Variants in HDAC9 observed in about 807,000 individuals in gnomAD.
HDAC9 encodes the protein MEF-2 interacting transcription repressor (MITR) protein.
In HDAC9, 41 loss-of-function variants were observed where a neutral mutation model predicts 139.4. That is an observed-to-expected ratio of 0.29 (90% CI 0.23 to 0.38). HDAC9 has a LOEUF of 0.38. Ranked by LOEUF, HDAC9 falls within the 10% of genes least tolerant of loss-of-function variation. The pLI, the probability that HDAC9 is intolerant of heterozygous loss-of-function variation, is 1.00. For missense variants in HDAC9, 1,147 were observed against 1,297.0 expected, an observed-to-expected ratio of 0.88 and a Z score of 1.78; for synonymous variants, 517 against 476.2, an observed-to-expected ratio of 1.09 and a Z score of -1.12.
chr7:18,573,507 C>T (rs1482419854), intron 2 of HDAC9, among the ~76,000 whole-genome samples: 1 of 152,230 alleles, frequency 6.6e-6, no homozygotes, highest in East Asian at 1.9e-4. Flanking sequence ...GTGCCCGTTT[C>T]TTTCCACCCA....
intron 1 of HDAC9, among the ~76,000 whole-genome samples, chr7:18,310,116 C>G (rs1403296946): frequency 7.5e-6 from 1 of 133,028 alleles, no homozygotes; most frequent in African/African-American, 2.9e-5. Flanking sequence ...TAGAGACTTT[C>G]AAGCTATCCC....
chr7:18,227,007 AAGG>A (rs1231660658), intron 2 of HDAC9, among the ~76,000 whole-genome samples: 25 of 152,230 alleles, frequency 1.6e-4, no homozygotes, highest in Non-Finnish European at 2.9e-5. Context: ...TATGCAAGGA[AAGG>A]AGGTTTGTGG....
intron 2 of HDAC9, among the ~76,000 whole-genome samples, chr7:18,183,230 T>G (rs10263045): frequency 1.3e-5 from 2 of 151,794 alleles, no homozygotes; most frequent in African/African-American, 4.8e-5. Flanking sequence ...AGGATGGTCT[T>G]GATCTTCTGA....
intron 21 of HDAC9, chr7:18,851,529 C>G (rs141180593): frequency 6.6e-6 from 1 of 152,360 alleles, no homozygotes; most frequent in Non-Finnish European, 1.5e-5. Context: ...ATTACCCAGT[C>G]TCGGGTAGTT....
intron 8 of HDAC9, among the ~76,000 whole-genome samples, chr7:18,640,780 C>A (rs563644063): frequency 1.3e-5 from 2 of 151,888 alleles, no homozygotes; most frequent in Non-Finnish European, 2.9e-5. Context: ...TGCAGAAGTC[C>A]AATGGTGTGC....
chr7:18,598,445 G>T (rs1322548006), intron 6 of HDAC9, among the ~76,000 whole-genome samples: 8 of 152,094 alleles, frequency 5.3e-5, no homozygotes, highest in Non-Finnish European at 7.4e-5. Flanking sequence ...TTCAGGCTTT[G>T]AATCCACACA....
chr7:18,949,618 A>C, intron 23 of HDAC9: 1 of 167,754 alleles, frequency 6.0e-6, no homozygotes, highest in Non-Finnish European at 1.3e-5. Flanking sequence ...CAGCTCCTGA[A>C]CTGGCCATTC....
At chr7:18,680,979 T>C (rs2160543) in intron 12 of HDAC9, among the ~76,000 whole-genome samples, 62,249 of 151,922 alleles carry the variant, frequency 0.41, 17,944 homozygotes, top group African/African-American at 0.8. Context: ...ATTGAGTAGA[T>C]GAAGAAGAGC....
chr7:18,242,873 T>C (rs1237575929), intron 2 of HDAC9, among the ~76,000 whole-genome samples: 1 of 152,208 alleles, frequency 6.6e-6, no homozygotes, highest in Non-Finnish European at 1.5e-5. Flanking sequence ...AAAAAAAATA[T>C]TTTTATCTGC....
intron 17 of HDAC9, among the ~76,000 whole-genome samples, chr7:18,799,658 G>C (rs890082111): frequency 6.6e-6 from 1 of 152,106 alleles, no homozygotes; most frequent in Middle Eastern, 3.2e-3. Context: ...TTTACTAGAA[G>C]GGCTTAGTAG....
At chr7:18,633,100 C>T (rs915424498) in intron 7 of HDAC9, among the ~76,000 whole-genome samples, 1 of 151,864 alleles carries the variant, frequency 6.6e-6, no homozygotes, top group South Asian at 2.1e-4. Flanking sequence ...CATATGAAGT[C>T]ATGATACTGA....
Position 18,935,944 on chromosome 7 carries a change from T to TA in HDAC9, c.2937+8dup. 1.9e-6 allele frequency: 3 copies of TA among 1,610,424 alleles called. No homozygotes were observed. Among genetic ancestry groups the TA allele is most frequent in the Non-Finnish European group, 2.5e-6 (3 of 1,177,774 alleles). ...GTAAATGCCCTTCTAGGAAATGAGG[T>TA]AAAAAAGTAAAAGTACAAAGGGGCA... On this transcript the variant is annotated splice_region_variant and intron_variant, in intron 23 of 25. Transcript: ENST00000686413.
chr7:18,812,922 T>C (rs567383432), intron 17 of HDAC9, among the ~76,000 whole-genome samples: 3 of 152,112 alleles, frequency 2.0e-5, no homozygotes, highest in East Asian at 3.9e-4. Context: ...GTGTTCAACC[T>C]GCTGCTAATA....
chr7:18,106,450 C>T (rs983487389), intron 1 of HDAC9, among the ~76,000 whole-genome samples: 1 of 151,954 alleles, frequency 6.6e-6, no homozygotes, highest in Non-Finnish European at 1.5e-5. Flanking sequence ...ATTATCCATG[C>T]ACACATTTCT....
At chr7:18,830,949 G>A (rs1181627630) in intron 19 of HDAC9, among the ~76,000 whole-genome samples, 1 of 152,220 alleles carries the variant, frequency 6.6e-6, no homozygotes, top group South Asian at 2.1e-4. Flanking sequence ...TGCATAATTT[G>A]TAAGATATTA....
In HDAC9 at chr7:18,373,683, A is replaced by G. The variant is rs79173662; in HGVS notation, c.-42+83168A>G. Among the ~76,000 whole-genome samples the G allele has an allele frequency of 5.1e-3, 783 of 152,304 alleles. 8 individuals are homozygous for G. The highest frequency in any genetic ancestry group is 0.018 in the African/African-American group (751 of 41,570). ...CTTCCCTTGAAATCCAGGTGAAACT[A>G]AAGAAGCTTTGAAGGAAACATGACA... On this transcript the variant is annotated intron_variant, in intron 1 of 3. Coordinates refer to the HDAC9 transcript ENST00000413509.
chr7:18,702,299 A>T (rs1173826392), intron 12 of HDAC9, among the ~76,000 whole-genome samples: 3 of 152,138 alleles, frequency 2.0e-5, no homozygotes, highest in Non-Finnish European at 4.4e-5. Context: ...ATCATACTTC[A>T]AGGAAAAGGC....
chr7:18,095,324 T>G (rs1528681), intron 1 of HDAC9, among the ~76,000 whole-genome samples: 18,542 of 152,114 alleles, frequency 0.12, 1,277 homozygotes, highest in Admixed American at 0.19. Flanking sequence ...TAGTATTAAT[T>G]GAGAAAATCC....
chr7:18,295,338 T>G (rs1031965295), intron 1 of HDAC9, among the ~76,000 whole-genome samples: 1 of 152,130 alleles, frequency 6.6e-6, no homozygotes, highest in Non-Finnish European at 1.5e-5. Flanking sequence ...TGTCAAATGC[T>G]AAGGAGCTAA....
Sources: allele counts gnomAD v4.1 joint callset (sites outside exome capture counted in the v4.1 genomes callset), GRCh38; gene constraint gnomAD v4.1.1; transcripts MANE v1.5; gene names NCBI Gene and HGNC (gene_info 2026-07-23, HGNC 2026-07-21).